SYN3: variants seen among roughly 807,000 people sequenced by gnomAD.
The protein encoded by SYN3 is synapsin-3.
Under a neutral mutation model 65.8 loss-of-function variants are expected in SYN3, and 35 were observed. That is an observed-to-expected ratio of 0.53 (90% CI 0.41 to 0.70). The LOEUF is 0.70. Ranked by LOEUF, SYN3 falls within the 30% of genes least tolerant of loss-of-function variation. The pLI is 0.00. For synonymous variants in SYN3, 270 were observed against 292.9 expected, an observed-to-expected ratio of 0.92 and a Z score of 0.80; for missense variants, 680 against 749.0, an observed-to-expected ratio of 0.91 and a Z score of 1.08.
At chr22:32,881,780 G>C (rs1236704252) in intron 4 of SYN3, among the ~76,000 whole-genome samples, 2 of 152,104 alleles carry the variant, frequency 1.3e-5, no homozygotes, top group African/African-American at 4.8e-5. Flanking sequence ...TTGAGGCCGG[G>C]CACAGTGGCT....
chr22:32,560,893 T>C (rs1440270618), intron 7 of SYN3, among the ~76,000 whole-genome samples: 1 of 152,138 alleles, frequency 6.6e-6, no homozygotes, highest in Non-Finnish European at 1.5e-5. Flanking sequence ...GGGTGGTACA[T>C]TCTAGAAATA....
intron 3 of SYN3, among the ~76,000 whole-genome samples, chr22:32,949,555 T>C (rs2051225199): frequency 6.6e-6 from 1 of 152,142 alleles, no homozygotes; most frequent in Admixed American, 6.5e-5. Flanking sequence ...CACACACGCA[T>C]GCATGCGTGC....
chr22:32,539,286 C>G (rs745764437), intron 8 of SYN3, among the ~76,000 whole-genome samples: 1 of 150,818 alleles, frequency 6.6e-6, no homozygotes, highest in African/African-American at 2.4e-5. Context: ...CATTCTGAGA[C>G]TGGGCACATA....
intron 6 of SYN3, among the ~76,000 whole-genome samples, chr22:32,642,703 C>T (rs2059920371): frequency 1.3e-5 from 2 of 152,238 alleles, no homozygotes; most frequent in East Asian, 3.9e-4. Flanking sequence ...GCTGGGATTA[C>T]AAGCGTGAGC....
At chr22:32,635,116 A>G (rs2059797525) in intron 6 of SYN3, 1 of 152,088 alleles carries the variant, frequency 6.6e-6, no homozygotes, top group South Asian at 2.1e-4. Context: ...TACATCTCCC[A>G]TCCAAATACT....
chr22:32,605,380 G>A (rs1238376697), intron 6 of SYN3, among the ~76,000 whole-genome samples: 3 of 152,110 alleles, frequency 2.0e-5, no homozygotes, highest in Admixed American at 1.3e-4. Context: ...AGCCGTCGAG[G>A]GTTTGGATGC....
At chr22:32,554,294 C>T (rs528843154) in intron 7 of SYN3, among the ~76,000 whole-genome samples, 34 of 152,172 alleles carry the variant, frequency 2.2e-4, no homozygotes, top group African/African-American at 7.0e-4. Flanking sequence ...TCCCTCAATA[C>T]GGGCTTTTTC....
chr22:32,615,289 G>T (rs1400152643), intron 6 of SYN3, among the ~76,000 whole-genome samples: 1 of 152,030 alleles, frequency 6.6e-6, no homozygotes, highest in Non-Finnish European at 1.5e-5. Flanking sequence ...ACAAAAATTA[G>T]CTGGGCATGG....
intron 7 of SYN3, among the ~76,000 whole-genome samples, chr22:32,591,335 G>T (rs1045735672): frequency 6.6e-6 from 1 of 152,166 alleles, no homozygotes; most frequent in Admixed American, 6.5e-5. Flanking sequence ...AGCATTAATG[G>T]TTTTCGAATG....
At chr22:33,023,911 A>G (rs2053598649) in intron 1 of SYN3, among the ~76,000 whole-genome samples, 1 of 152,072 alleles carries the variant, frequency 6.6e-6, no homozygotes, top group Admixed American at 6.5e-5. Flanking sequence ...TCACAATATT[A>G]TTTCTGGACT....
intron 3 of SYN3, among the ~76,000 whole-genome samples, chr22:32,935,110 T>C (rs1375522761): frequency 6.6e-6 from 1 of 152,208 alleles, no homozygotes; most frequent in Non-Finnish European, 1.5e-5. Flanking sequence ...TGTATGGTAA[T>C]TGTGGAACCT....
In SYN3 at chr22:32,859,601, C is replaced by T. The variant is rs1191855990; in HGVS notation, c.711+5314G>A. 6 of 573,656 alleles carry T rather than the reference C, an allele frequency of 1.0e-5. No individual in the cohort carries two copies. In the East Asian group the frequency reaches 1.5e-4, roughly 14 times the overall value. The allele number at this position is 573,656 out of a possible 1,614,324, so 35.5% of individuals were successfully genotyped here. A position where few individuals can be genotyped will look rare whatever the true frequency, so the allele number is the denominator to read the frequency against. On this transcript the variant is annotated intron_variant, in intron 6 of 13. Coordinates refer to ENST00000358763, the MANE Select transcript of SYN3 (RefSeq NM_003490.4). Reference sequence around the variant, plus strand: ...TTGGTTTTGACATCATTCATTTCCACCTGGGAATTTCTGGTGCCATGCCAG... The same window carrying T: ...TTGGTTTTGACATCATTCATTTCCATCTGGGAATTTCTGGTGCCATGCCAG...
intron 12 of SYN3, among the ~76,000 whole-genome samples, chr22:32,523,053 A>G (rs1278206955): frequency 1.3e-5 from 2 of 152,248 alleles, no homozygotes; most frequent in African/African-American, 4.8e-5. Flanking sequence ...CTGTCCTTCC[A>G]ACAGCATGTA....
intron 6 of SYN3, among the ~76,000 whole-genome samples, chr22:32,649,414 A>G (rs1362811803): frequency 3.3e-5 from 5 of 152,228 alleles, no homozygotes; most frequent in African/African-American, 1.2e-4. Flanking sequence ...TGTACCGAGT[A>G]CAGGCATTTT....
At chr22:32,744,418 C>A (rs535859041) in intron 6 of SYN3, among the ~76,000 whole-genome samples, 2 of 152,306 alleles carry the variant, frequency 1.3e-5, no homozygotes, top group East Asian at 3.9e-4. Flanking sequence ...TCATTAATGC[C>A]TGCTTCTTAC....
intron 4 of SYN3, among the ~76,000 whole-genome samples, chr22:32,881,030 C>A (rs117139527): frequency 0.012 from 1,793 of 152,292 alleles, 17 homozygotes; most frequent in Non-Finnish European, 0.02. Flanking sequence ...CTGGGGCAGC[C>A]CTGCTCTCCG....
intron 7 of SYN3, among the ~76,000 whole-genome samples, chr22:32,595,663 G>C (rs983664412): frequency 6.6e-6 from 1 of 152,156 alleles, no homozygotes; most frequent in Non-Finnish European, 1.5e-5. Context: ...ATGTCAAACT[G>C]TAATCCCCCA....
intron 6 of SYN3, among the ~76,000 whole-genome samples, chr22:32,704,212 C>T (rs947156150): frequency 6.6e-6 from 1 of 151,790 alleles, no homozygotes; most frequent in Non-Finnish European, 1.5e-5. Context: ...TTTTTTTTCC[C>T]TCCTCTCACT....
In SYN3 at chr22:32,857,402, G is replaced by A. The variant is rs767830418; in HGVS notation, c.711+7513C>T. The A allele has an allele frequency of 6.1e-6, 9 of 1,474,682 alleles. No individual in the cohort carries two copies. The South Asian group carries it at 1.0e-4, about 17-fold the overall frequency. 91.3% of individuals were successfully genotyped at this position (1,474,682 alleles called of 1,614,324 possible). Reference sequence around the variant, plus strand: ...GCTTCTAGGCCAGGGTTTGGCCAAGGTCCACTGTTTCTTGACTTCAGAAGA... The same window carrying A: ...GCTTCTAGGCCAGGGTTTGGCCAAGATCCACTGTTTCTTGACTTCAGAAGA... On this transcript the variant is annotated intron_variant, in intron 6 of 13. Transcript: ENST00000358763.
Sources: allele counts gnomAD v4.1 joint callset (sites outside exome capture counted in the v4.1 genomes callset), GRCh38; gene constraint gnomAD v4.1.1; transcripts MANE v1.5; gene names NCBI Gene and HGNC (gene_info 2026-07-23, HGNC 2026-07-21).